Variants in LOXHD1 observed in about 807,000 individuals in gnomAD.
LOXHD1 encodes lipoxygenase homology domain-containing protein 1.
A neutral mutation model predicts 248.2 loss-of-function variants in LOXHD1; 205 were observed. The ratio of observed to expected loss-of-function variants is 0.83; its 90% CI spans 0.74 to 0.93. The LOEUF is 0.93. LOXHD1 is among the 40% of genes least tolerant of loss of function. The pLI is 0.00. For missense variants in LOXHD1, 2,930 were observed against 2,971.6 expected (o/e 0.99, Z 0.33); for synonymous variants, 1,113 against 1,162.8 (o/e 0.96, Z 0.87).
In LOXHD1 at chr18:46,601,371, T is replaced by G. The variant is rs2038335393; in HGVS notation, c.980A>C (p.Lys327Thr). The G allele has an allele frequency of 6.4e-7, 1 of 1,551,712 alleles. No homozygotes were observed. The highest frequency in any genetic ancestry group is 1.4e-5 in the African/African-American group (1 of 73,154). The change falls in exon 8 of 41, where the codon AAG (lysine) becomes ACG (threonine). Residue 327 changes from lysine (K) to threonine (T), a missense_variant. Transcript: ENST00000642948. ...YLVMYGARGN[K>T]NSGKIFLEGG... Reference sequence around the variant, plus strand: ...CTCCAGGAAGATTTTCCCACTGTTCTTATTCCCTCTGGCCCCATACATGAC... The same window carrying G: ...CTCCAGGAAGATTTTCCCACTGTTCGTATTCCCTCTGGCCCCATACATGAC...
At chr18:46,562,285 A>T (rs1294028059) in intron 18 of LOXHD1, among the ~76,000 whole-genome samples, 1 of 151,902 alleles carries the variant, frequency 6.6e-6, no homozygotes, top group Non-Finnish European at 1.5e-5. Context: ...CCGGGTAAGG[A>T]CTCTTTGCTG....
chr18:46,550,645 C>G (rs544978753), intron 21 of LOXHD1, among the ~76,000 whole-genome samples: 1 of 146,350 alleles, frequency 6.8e-6, no homozygotes, highest in Non-Finnish European at 1.5e-5. Context: ...ACTATAAGGA[C>G]GATCACAGAA....
intron 14 of LOXHD1, among the ~76,000 whole-genome samples, chr18:46,576,948 G>T (rs1373242151): frequency 6.6e-6 from 1 of 152,192 alleles, no homozygotes; most frequent in Non-Finnish European, 1.5e-5. Context: ...TCAAAGGAGG[G>T]CTGTCCTCAG....
At chr18:46,627,270 A>C (rs1041423407) in intron 4 of LOXHD1, among the ~76,000 whole-genome samples, 2 of 152,208 alleles carry the variant, frequency 1.3e-5, no homozygotes, top group African/African-American at 4.8e-5. Flanking sequence ...GGCCAGTGAG[A>C]GAGAATAGAC....
chr18:46,645,656 A>T (rs2039020055), intron 2 of LOXHD1, among the ~76,000 whole-genome samples: 1 of 152,064 alleles, frequency 6.6e-6, no homozygotes, highest in African/African-American at 2.4e-5. Context: ...AGGTTCACTA[A>T]TGGGGGAATC....
intron 1 of LOXHD1, among the ~76,000 whole-genome samples, chr18:46,655,660 G>T (rs1468746266): frequency 6.6e-6 from 1 of 152,168 alleles, no homozygotes; most frequent in Non-Finnish European, 1.5e-5. Context: ...AGGTACCCAG[G>T]ATTCTGTACC....
chr18:46,566,428 G>A lies in LOXHD1; in HGVS notation c.2266C>T (p.His756Tyr). 6.4e-7 allele frequency: 1 copy of A among 1,550,516 alleles called. No homozygotes were observed. Among genetic ancestry groups the A allele is most frequent in the Non-Finnish European group, 8.7e-7 (1 of 1,146,970 alleles). The change falls in exon 17 of 41, where the codon CAT becomes TAT. Residue 756 changes from histidine to tyrosine, a missense_variant. Coordinates refer to ENST00000642948, the MANE Select transcript of LOXHD1 (RefSeq NM_001384474.1). ...IGNINRLVIG[H>Y]DSTGMHASWF... ...CTGGCATGCATGCCAGTGCTGTCATGCCCAATCACCAGCCGGTTGATCTGA... is the reference window on the plus strand; with the variant it reads ...CTGGCATGCATGCCAGTGCTGTCATACCCAATCACCAGCCGGTTGATCTGA...
intron 27 of LOXHD1, 21 bp from the exon 28 acceptor site, chr18:46,533,345 GA>G: frequency 6.4e-7 from 1 of 1,550,916 alleles, no homozygotes; most frequent in South Asian, 1.2e-5. Flanking sequence ...GCAGAAAAAG[GA>G]AAATTAGCCC....
At chr18:46,593,403 T>C (rs375413268) in intron 10 of LOXHD1, among the ~76,000 whole-genome samples, 197 bp downstream of exon 10, 2 of 152,184 alleles carry the variant, frequency 1.3e-5, no homozygotes, top group African/African-American at 4.8e-5. Context: ...ATGGGCCAGA[T>C]AGAAATTGTA....
chr18:46,634,498 A>G (rs915639756), intron 4 of LOXHD1, among the ~76,000 whole-genome samples: 2 of 152,204 alleles, frequency 1.3e-5, no homozygotes, highest in South Asian at 4.1e-4. Flanking sequence ...ATGCTGTAAA[A>G]CTTTGCTTCC....
intron 23 of LOXHD1, 44 bp from the exon 24 acceptor site, chr18:46,542,899 C>T: frequency 1.3e-6 from 2 of 1,551,292 alleles, no homozygotes; most frequent in Admixed American, 2.0e-5. Context: ...GACCTGAGGC[C>T]TTTCAAGCCT....
At chr18:46,574,397 A>ACACACACACACACACACACACACG in intron 14 of LOXHD1, among the ~76,000 whole-genome samples, 1 of 149,782 alleles carries the variant, frequency 6.7e-6, no homozygotes, top group East Asian at 2.0e-4. Flanking sequence ...ATACACACAC[A>ACACACACACACACACACACACACG]CACACACACA....
At chr18:46,546,815 A>G in intron 22 of LOXHD1, 80 bp downstream of exon 22, 1 of 1,447,840 alleles carries the variant, frequency 6.9e-7, no homozygotes. Flanking sequence ...CAGGGGAGGG[A>G]AGGAAGATGG....
Position 46,538,379 on chromosome 18 carries a change from G to A in LOXHD1, c.3914-42C>T, listed in dbSNP as rs1198901979. The A allele has an allele frequency of 6.6e-6, 10 of 1,522,672 alleles. No homozygotes were observed. In the South Asian group the frequency reaches 1.1e-4, roughly 16 times the overall value. The allele number at this position is 1,522,672 out of a possible 1,614,324, so 94.3% of individuals were successfully genotyped here. ...GAGGGCAAAGCCAGAGTGGATGAGA[G>A]AACAGAAAACAAACATGGTGAGAGC... On this transcript the variant is annotated intron_variant, in intron 25 of 40. Coordinates refer to ENST00000642948, the MANE Select transcript of LOXHD1 (RefSeq NM_001384474.1).
chr18:46,589,315 C>G (rs1285557327), intron 12 of LOXHD1, among the ~76,000 whole-genome samples: 3 of 152,192 alleles, frequency 2.0e-5, no homozygotes, highest in Non-Finnish European at 4.4e-5. Context: ...CCTCCCTGCT[C>G]TTTCTACCCA....
chr18:46,542,704 A>G (rs1286046302), intron 24 of LOXHD1, 23 bp downstream of exon 24: 3 of 1,551,210 alleles, frequency 1.9e-6, no homozygotes, highest in Admixed American at 3.9e-5. Context: ...CTTAGCAAGG[A>G]ACAGAGGGGA....
chr18:46,542,599 T>G, intron 24 of LOXHD1, 128 bp downstream of exon 24: 1 of 1,163,870 alleles, frequency 8.6e-7, no homozygotes, highest in Non-Finnish European at 1.2e-6. Context: ...GCTAAAGGGA[T>G]TAAGGAAGCT....
At chr18:46,631,007 T>C (rs2038813454) in intron 4 of LOXHD1, among the ~76,000 whole-genome samples, 1 of 152,114 alleles carries the variant, frequency 6.6e-6, no homozygotes, top group Non-Finnish European at 1.5e-5. Context: ...TGGAAAGCTC[T>C]TTCCACCCAT....
intron 1 of LOXHD1, among the ~76,000 whole-genome samples, chr18:46,653,532 G>A (rs1369262993): frequency 6.6e-6 from 1 of 152,212 alleles, no homozygotes; most frequent in African/African-American, 2.4e-5. Context: ...GGAGGACACA[G>A]AATTCTGTTG....
Sources: gnomAD v4.1 joint callset for allele counts (sites outside exome capture counted in the v4.1 genomes callset) on GRCh38, gnomAD v4.1.1 for gene constraint, MANE v1.5 for transcripts, NCBI Gene and HGNC (gene_info 2026-07-23, HGNC 2026-07-21) for gene names.